Variants in PRDM16 observed in about 807,000 individuals in gnomAD.
PRDM16 encodes the protein histone-lysine N-methyltransferase PRDM16.
In PRDM16, 23 loss-of-function variants were observed where a neutral mutation model predicts 110.6. The ratio of observed to expected loss-of-function variants is 0.21; its 90% CI spans 0.15 to 0.29. The LOEUF (loss-of-function observed/expected upper bound fraction) is 0.29, where lower values mean the gene tolerates loss of function less well. Ranked by LOEUF, PRDM16 falls within the 10% of genes least tolerant of loss-of-function variation. The pLI, the probability that PRDM16 is intolerant of heterozygous loss-of-function variation, is 1.00. For synonymous variants in PRDM16, 799 were observed against 781.8 expected (o/e 1.02, Z -0.37); for missense variants, 1,615 against 1,794.3 (o/e 0.90, Z 1.81).
intron 3 of PRDM16, among the ~76,000 whole-genome samples, chr1:3,294,512 C>T (rs1489941842): frequency 1.3e-5 from 2 of 152,108 alleles, no homozygotes; most frequent in East Asian, 1.9e-4. Context: ...AGTGTCCAGC[C>T]CCTCTGCCCC....
Position 3,244,250 on chromosome 1 carries a change from C to T in PRDM16, c.438+113C>T, listed in dbSNP as rs889319139. The T allele has an allele frequency of 1.4e-5, 14 of 968,098 alleles. No individual in the cohort carries two copies. In the African/African-American group the frequency reaches 1.8e-4, roughly 12 times the overall value. The allele number at this position is 968,098 out of a possible 1,614,324, so 60.0% of individuals were successfully genotyped here. On this transcript the variant is annotated intron_variant, in intron 3 of 16. Transcript: ENST00000270722. This position sits in a 1 kb window ranked among gnomAD's most constrained non-coding sequence, Gnocchi z 4.1. ...TAACAAGCGTGTAGTCGGAATGTTG[C>T]TGGCAGGCCCCGAGCAATGTGTTAT...
chr1:3,383,376 G>A (rs1643138141), intron 3 of PRDM16, among the ~76,000 whole-genome samples: 2 of 152,134 alleles, frequency 1.3e-5, no homozygotes, highest in South Asian at 4.1e-4. Context: ...CCCTTAGTCG[G>A]GAACCCCAGC....
chr1:3,355,953 A>G (rs1420549364), intron 3 of PRDM16, among the ~76,000 whole-genome samples: 1 of 152,054 alleles, frequency 6.6e-6, no homozygotes, highest in Non-Finnish European at 1.5e-5. Flanking sequence ...ATGTGAGCAA[A>G]GACGCCTTTC....
chr1:3,104,009 G>A (rs1444955200), intron 1 of PRDM16, among the ~76,000 whole-genome samples: 1 of 152,160 alleles, frequency 6.6e-6, no homozygotes, highest in Non-Finnish European at 1.5e-5. Context: ...CCATAACAAA[G>A]GGCAAAATTC....
intron 3 of PRDM16, among the ~76,000 whole-genome samples, chr1:3,347,942 G>A (rs1434112788): frequency 6.6e-6 from 1 of 152,138 alleles, no homozygotes; most frequent in Non-Finnish European, 1.5e-5. Context: ...CAGCCCCAGA[G>A]CTGGTGCCGG....
At chr1:3,418,847 G>A in intron 12 of PRDM16, 103 bp downstream of exon 12, 6 of 887,342 alleles carry the variant, frequency 6.8e-6, no homozygotes, top group Middle Eastern at 2.3e-4. Context: ...CTCCCTGCTG[G>A]AGTGAGCAGG....
chr1:3,238,255 G>A (rs1245182113), intron 2 of PRDM16, among the ~76,000 whole-genome samples: 2 of 152,174 alleles, frequency 1.3e-5, no homozygotes, highest in South Asian at 2.1e-4. Context: ...GGGAGGTGGT[G>A]GCTGGGAGTG....
At chr1:3,117,704 G>T (rs1431655153) in intron 1 of PRDM16, among the ~76,000 whole-genome samples, 1 of 152,104 alleles carries the variant, frequency 6.6e-6, no homozygotes, top group East Asian at 1.9e-4. Context: ...CCCAGGTCCC[G>T]TCTGGCCTCC....
intron 8 of PRDM16, among the ~76,000 whole-genome samples, chr1:3,410,771 G>C (rs552782578): frequency 1.3e-5 from 2 of 152,258 alleles, no homozygotes; most frequent in Non-Finnish European, 2.9e-5. Context: ...AGGCAGGGCG[G>C]GCCCTGAGCC....
rs1399912241 is a variant in PRDM16, at chr1:3,117,163, C to T, written c.37+47867C>T. Among the ~76,000 whole-genome samples the T allele has an allele frequency of 2.6e-5, 4 of 152,186 alleles. No individual in the cohort carries two copies. The East Asian group carries it at 5.8e-4, about 22-fold the overall frequency. The stretch of plus-strand genomic sequence containing the variant: ...TCCGGCTGTTTCGGCTCCCATCAGC[C>T]GGGATCATTCATCTCTGGTTTCTTG... On this transcript the variant is annotated intron_variant, in intron 1 of 16. Coordinates refer to ENST00000270722, the MANE Select transcript of PRDM16 (RefSeq NM_022114.4).
chr1:3,356,129 G>A lies in PRDM16; in HGVS notation c.439-29023G>A, dbSNP rs75608231. Reference sequence around the variant, plus strand: ...CATTGGCTTTTCCCATGACTCCCACGAGGGCGTTAGCAGAACCTCCCTCAT... The same window carrying A: ...CATTGGCTTTTCCCATGACTCCCACAAGGGCGTTAGCAGAACCTCCCTCAT... On this transcript the variant is annotated intron_variant, in intron 3 of 16. Transcript: ENST00000270722. Among the ~76,000 whole-genome samples the A allele has an allele frequency of 7.4e-3, 1,124 of 152,320 alleles. 21 individuals carry two copies. The highest frequency in any genetic ancestry group is 0.026 in the African/African-American group (1,068 of 41,572).
chr1:3,266,888 G>A (rs1640307261), intron 3 of PRDM16, among the ~76,000 whole-genome samples: 1 of 152,094 alleles, frequency 6.6e-6, no homozygotes, highest in Non-Finnish European at 1.5e-5. Context: ...GTGTTGTCCA[G>A]GCTGCTCTCG....
intron 3 of PRDM16, among the ~76,000 whole-genome samples, chr1:3,268,049 G>A (rs1376458221): frequency 1.3e-5 from 2 of 152,198 alleles, no homozygotes; most frequent in African/African-American, 2.4e-5. Context: ...TGCGGACCAC[G>A]GCTCCCCGGC....
rs1223970230 is a variant in PRDM16, at chr1:3,435,912, C to T, written c.*2101C>T. 1.3e-5 allele frequency: 3 copies of T among 231,492 alleles called. No homozygotes were observed. Among genetic ancestry groups the T allele is most frequent in the Admixed American group, 1.1e-4 (2 of 17,732 alleles). The allele number at this position is 231,492 out of a possible 1,614,324, so 14.3% of individuals were successfully genotyped here. A position where few individuals can be genotyped will look rare whatever the true frequency, so the allele number is the denominator to read the frequency against. On this transcript the variant is annotated 3_prime_UTR_variant, in exon 17 of 17. Transcript: ENST00000270722. The stretch of plus-strand genomic sequence containing the variant: ...CGAGGCAAGACAGGACCCACCTGTG[C>T]GTGCGCTGGGGCCATGGGGTGGCCC...
At chr1:3,273,316 C>A (rs1332031897) in intron 3 of PRDM16, among the ~76,000 whole-genome samples, 1 of 152,140 alleles carries the variant, frequency 6.6e-6, no homozygotes, top group Non-Finnish European at 1.5e-5. Context: ...ATTCGAGGTG[C>A]CTTCTGGGCA....
At position 3,433,692 on chromosome 1, in the gene PRDM16, C is replaced by T. The variant is rs1638834654; in HGVS notation, c.3712C>T (p.Leu1238=). 1 of 1,613,888 alleles carries T rather than the reference C, an allele frequency of 6.2e-7. No individual in the cohort carries two copies. The highest frequency in any genetic ancestry group is 2.2e-5 in the East Asian group (1 of 44,870). The change falls in exon 17 of 17, where the codon CTG becomes TTG. Residue 1238 remains leucine, a synonymous_variant. Transcript: ENST00000270722. ...QAKNQAYAMM[L]SLSEDTPLHT... ...TCCCCGCCAGGCATATGCAATGATG[C>T]TGTCCCTTTCCGAAGACACTCCTCT...
intron 1 of PRDM16, among the ~76,000 whole-genome samples, chr1:3,132,664 C>T (rs1443995109): frequency 6.6e-6 from 1 of 152,262 alleles, no homozygotes; most frequent in Non-Finnish European, 1.5e-5. Context: ...CCGGTTCATA[C>T]TGTTGCCCGA....
At chr1:3,079,829 G>A (rs1641980257) in intron 1 of PRDM16, among the ~76,000 whole-genome samples, 1 of 152,140 alleles carries the variant, frequency 6.6e-6, no homozygotes, top group South Asian at 2.1e-4. Flanking sequence ...GTGCTTCTGA[G>A]GTTGGCCTGA....
intron 3 of PRDM16, among the ~76,000 whole-genome samples, chr1:3,352,434 G>A (rs1034422161): frequency 2.6e-5 from 4 of 152,132 alleles, no homozygotes; most frequent in African/African-American, 4.8e-5. Flanking sequence ...CTTGCTGCCC[G>A]CAGTGGGCTG....
Sources: gnomAD v4.1 joint callset for allele counts (sites outside exome capture counted in the v4.1 genomes callset) on GRCh38, gnomAD v4.1.1 for gene constraint, Gnocchi (gnomAD v3.1) non-coding constraint, MANE v1.5 for transcripts, NCBI Gene and HGNC (gene_info 2026-07-23, HGNC 2026-07-21) for gene names.